Variants in FDFT1 observed in about 807,000 individuals in gnomAD.
FDFT1 encodes farnesyl-diphosphate farnesyltransferase 1, also known as squalene synthase.
A neutral mutation model predicts 46.8 loss-of-function variants in FDFT1; 68 were observed. That is an observed-to-expected ratio of 1.45 (90% CI 1.19 to 1.78). The LOEUF (loss-of-function observed/expected upper bound fraction) is 1.78, where lower values mean the gene tolerates loss of function less well. FDFT1 is among the 40% of genes most tolerant of loss of function. The pLI, the probability that FDFT1 is intolerant of heterozygous loss-of-function variation, is 0.00. For missense variants in FDFT1, 928 were observed against 524.4 expected (o/e 1.77, Z -7.52); for synonymous variants, 351 against 185.1 (o/e 1.90, Z -7.28).
At position 11,832,192 on chromosome 8, in the gene FDFT1, C is replaced by G. The variant is rs1376230322; in HGVS notation, c.1032+522C>G. Among the ~76,000 whole-genome samples the G allele has an allele frequency of 3.3e-5, 5 of 152,008 alleles. No individual in the cohort carries two copies. The East Asian group carries it at 9.6e-4, about 29-fold the overall frequency. ...TCTTTGGAAAATTTCATTTCAAATA[C>G]CAAAACCATCCTATAAAAAGAAAAC... On this transcript the variant is annotated intron_variant, in intron 7 of 7. Coordinates refer to ENST00000220584, the MANE Select transcript of FDFT1 (RefSeq NM_004462.5).
At chr8:11,804,130 A>G (rs892516082) in intron 1 of FDFT1, among the ~76,000 whole-genome samples, 2 of 152,242 alleles carry the variant, frequency 1.3e-5, no homozygotes, top group East Asian at 1.9e-4. Context: ...TTGATTTTAT[A>G]AAACTTACTT....
chr8:11,822,568 C>G (rs922418727), intron 4 of FDFT1, among the ~76,000 whole-genome samples: 1 of 152,170 alleles, frequency 6.6e-6, no homozygotes, highest in Non-Finnish European at 1.5e-5. Context: ...AATCTCAGCA[C>G]TTTGGGAGGC....
chr8:11,803,203 T>C, intron 1 of FDFT1: 1 of 1,410,940 alleles, frequency 7.1e-7, no homozygotes, highest in Non-Finnish European at 9.3e-7. Context: ...TTTCGTCCCC[T>C]CCGTGAGCAT....
Position 11,809,719 on chromosome 8 carries a change from G to A in FDFT1, c.250G>A (p.Asp84Asn). The A allele has an allele frequency of 6.2e-7, 1 of 1,614,174 alleles. No individual in the cohort carries two copies. Among genetic ancestry groups the A allele is most frequent in the Non-Finnish European group, 8.5e-7 (1 of 1,180,012 alleles). Residue 84 changes from aspartate to asparagine, a missense_variant, in exon 3 of 8, where the codon GAT becomes AAT. Physicochemically the swap from Asp to Asn is conservative, Grantham distance 23. Coordinates refer to ENST00000220584, the MANE Select transcript of FDFT1 (RefSeq NM_004462.5). ...TCTCCGAGCTCTGGACACACTGGAA[G>A]ATGACATGACCATCAGTGTGGAAAA... ...LVLRALDTLE[D>N]DMTISVEKKV...
chr8:11,820,459 C>G (rs1809071269), intron 3 of FDFT1, among the ~76,000 whole-genome samples: 1 of 148,014 alleles, frequency 6.8e-6, no homozygotes, highest in South Asian at 2.2e-4. Flanking sequence ...CCCAGAGATG[C>G]AATCTAGAGA....
chr8:11,796,714 G>T (rs565875673), intron 1 of FDFT1, among the ~76,000 whole-genome samples: 2 of 152,348 alleles, frequency 1.3e-5, no homozygotes, highest in East Asian at 3.9e-4. Context: ...ATTCTGAGTT[G>T]CAAGAGTCCT....
At chr8:11,837,175 A>C (rs1586023394) in intron 7 of FDFT1, among the ~76,000 whole-genome samples, 1 of 152,244 alleles carries the variant, frequency 6.6e-6, no homozygotes, top group Non-Finnish European at 1.5e-5. Context: ...ATGAGACTGG[A>C]ACAGAGGTGT....
intron 1 of FDFT1, chr8:11,808,243 G>C: frequency 8.3e-7 from 1 of 1,200,394 alleles, no homozygotes; most frequent in Non-Finnish European, 1.0e-6. Flanking sequence ...TTTGGTCTAG[G>C]GAGACTCTGT....
intron 2 of FDFT1, chr8:11,809,344 C>G: frequency 9.1e-7 from 1 of 1,103,262 alleles, no homozygotes; most frequent in Non-Finnish European, 1.1e-6. Flanking sequence ...ACTTTCTTTT[C>G]TATTTGCTAC....
At chr8:11,820,541 G>A (rs577036065) in intron 3 of FDFT1, among the ~76,000 whole-genome samples, 1 of 152,312 alleles carries the variant, frequency 6.6e-6, no homozygotes, top group Non-Finnish European at 1.5e-5. Flanking sequence ...TTTACACTGT[G>A]AGCATAGAAG....
intron 4 of FDFT1, among the ~76,000 whole-genome samples, chr8:11,824,887 C>T (rs1442928657): frequency 2.0e-5 from 3 of 152,132 alleles, no homozygotes; most frequent in Non-Finnish European, 4.4e-5. Flanking sequence ...AGGCACCCGC[C>T]ACCAGGCCAG....
intron 5 of FDFT1, among the ~76,000 whole-genome samples, chr8:11,828,657 A>G (rs746183920): frequency 6.6e-6 from 1 of 152,278 alleles, no homozygotes; most frequent in Non-Finnish European, 1.5e-5. Flanking sequence ...TCTGTAAAAT[A>G]GCATCATTTC....
chr8:11,817,366 G>C (rs1203086248), intron 3 of FDFT1, among the ~76,000 whole-genome samples: 1 of 152,018 alleles, frequency 6.6e-6, no homozygotes, highest in South Asian at 2.1e-4. Context: ...TTTGGTATCA[G>C]GATGATGCTG....
At chr8:11,795,791 C>G (rs567758985) in exon 1 of FDFT1, 2 of 152,406 alleles carry the variant, frequency 1.3e-5, no homozygotes, top group Non-Finnish European at 2.9e-5. Context: ...CTGTAATACT[C>G]GCTGTGACGG....
At chr8:11,802,683 C>G, upstream of FDFT1, 2 of 651,794 alleles carry the variant, frequency 3.1e-6, no homozygotes, top group Non-Finnish European at 5.3e-6. Context: ...TTGAAGTGGG[C>G]GGAGCGGCGG....
At chr8:11,834,130 G>A (rs1464738387) in intron 7 of FDFT1, among the ~76,000 whole-genome samples, 2 of 152,212 alleles carry the variant, frequency 1.3e-5, no homozygotes, top group Non-Finnish European at 2.9e-5. Context: ...GACTCTGTCC[G>A]ATCTCTGGAC....
At chr8:11,836,184 A>G (rs1259279134) in intron 7 of FDFT1, among the ~76,000 whole-genome samples, 2 of 151,796 alleles carry the variant, frequency 1.3e-5, no homozygotes, top group Non-Finnish European at 2.9e-5. Context: ...ATATACCAAA[A>G]CCATTACTTA....
chr8:11,835,538 G>A (rs1427078445), intron 7 of FDFT1, among the ~76,000 whole-genome samples: 3 of 152,170 alleles, frequency 2.0e-5, no homozygotes, highest in Non-Finnish European at 2.9e-5. Flanking sequence ...AGGGCATATT[G>A]AAGTGCTCTT....
chr8:11,831,503 T>C lies in FDFT1; in HGVS notation c.880-15T>C, dbSNP rs749382816. The stretch of plus-strand genomic sequence containing the variant: ...ATCATTTCTTCTTTTTTCCCTCTCT[T>C]CTTGTTGTCTCTAGGTGATGGCCAT... On this transcript the variant is annotated splice_polypyrimidine_tract_variant and intron_variant, in intron 6 of 7. Transcript: ENST00000220584. 5 of 1,602,358 alleles carry C rather than the reference T, an allele frequency of 3.1e-6. No homozygotes were observed. The highest frequency in any genetic ancestry group is 4.3e-6 in the Non-Finnish European group (5 of 1,175,754).
Sources: allele counts gnomAD v4.1 joint callset (sites outside exome capture counted in the v4.1 genomes callset), GRCh38; gene constraint gnomAD v4.1.1; transcripts MANE v1.5; gene names NCBI Gene and HGNC (gene_info 2026-07-23, HGNC 2026-07-21).